Variants in ATRNL1 observed in about 807,000 individuals in gnomAD.
The protein encoded by ATRNL1 is attractin like 1, also known as attractin-like protein 1.
ATRNL1 carries 95 observed loss-of-function variants against 182.7 expected under a neutral mutation model. That is an observed-to-expected ratio of 0.52 (90% CI 0.44 to 0.62). The LOEUF is 0.62. Ranked by LOEUF, ATRNL1 falls within the 20% of genes least tolerant of loss-of-function variation. The probability of loss-of-function intolerance (pLI) is 0.00; values close to 1 mark genes in which losing one functional copy is unlikely to be tolerated. For missense variants in ATRNL1, 1,471 were observed against 1,679.5 expected, an observed-to-expected ratio of 0.88 and a Z score of 2.17; for synonymous variants, 576 against 568.3, an observed-to-expected ratio of 1.01 and a Z score of -0.19.
At chr10:115,755,122 A>C (rs6585354) in intron 27 of ATRNL1, among the ~76,000 whole-genome samples, 150,005 of 152,258 alleles carry the variant, frequency 0.99, 73,921 homozygotes, top group Middle Eastern at 1. Context: ...CAAACAGGGA[A>C]AATTTGACTT....
At chr10:115,687,890 CAAATATTA>C (rs1276090828) in intron 26 of ATRNL1, among the ~76,000 whole-genome samples, 1 of 152,004 alleles carries the variant, frequency 6.6e-6, no homozygotes, top group Non-Finnish European at 1.5e-5. Context: ...AGCCTGCTAT[CAAATATTA>C]GATTAGAACT....
chr10:115,510,757 G>A (rs1554982502), intron 24 of ATRNL1, among the ~76,000 whole-genome samples: 1 of 151,994 alleles, frequency 6.6e-6, no homozygotes, highest in African/African-American at 2.4e-5. Context: ...TATTAGCAGA[G>A]AAAGAAGCAA....
At chr10:115,462,366 C>A (rs1847848820) in intron 22 of ATRNL1, among the ~76,000 whole-genome samples, 1 of 152,102 alleles carries the variant, frequency 6.6e-6, no homozygotes, top group African/African-American at 2.4e-5. Flanking sequence ...GTAATCCCAG[C>A]ACTTTGGGAG....
intron 1 of ATRNL1, 48 bp downstream of exon 1, chr10:115,094,091 G>GTCGCGGCCTTCCCCGCCCCCC (rs1282059373): frequency 2.3e-6 from 3 of 1,322,632 alleles, no homozygotes; most frequent in Non-Finnish European, 2.9e-6. Context: ...CCTCGCTCCC[G>GTCGCGGCCTTCCCCGCCCCCC]TCGCGGCCTT....
intron 27 of ATRNL1, among the ~76,000 whole-genome samples, chr10:115,810,369 T>C (rs1950019863): frequency 6.6e-6 from 1 of 151,972 alleles, no homozygotes; most frequent in Non-Finnish European, 1.5e-5. Context: ...TATTATGTCG[T>C]CCTCAAATGT....
intron 26 of ATRNL1, among the ~76,000 whole-genome samples, chr10:115,605,938 T>G (rs1856849044): frequency 1.3e-5 from 2 of 151,976 alleles, no homozygotes; most frequent in Non-Finnish European, 2.9e-5. Flanking sequence ...AATAAAAATG[T>G]GAATGAGATG....
At chr10:115,443,992 T>C (rs1554966176) in intron 21 of ATRNL1, among the ~76,000 whole-genome samples, 1 of 152,094 alleles carries the variant, frequency 6.6e-6, no homozygotes, top group African/African-American at 2.4e-5. Context: ...AAATTAAACA[T>C]ACCTCTTTAG....
intron 27 of ATRNL1, among the ~76,000 whole-genome samples, chr10:115,769,566 G>A (rs947932308): frequency 2.6e-5 from 4 of 152,170 alleles, no homozygotes; most frequent in Non-Finnish European, 5.9e-5. Flanking sequence ...ATAGCGCTCA[G>A]TACATTGTAG....
chr10:115,572,862 G>A (rs1232084088), intron 26 of ATRNL1, among the ~76,000 whole-genome samples: 2 of 152,158 alleles, frequency 1.3e-5, no homozygotes, highest in Non-Finnish European at 2.9e-5. Context: ...TGGCTTGCCT[G>A]TTTGGTTGCC....
chr10:115,536,611 G>C (rs1852030074), intron 25 of ATRNL1, among the ~76,000 whole-genome samples: 1 of 152,172 alleles, frequency 6.6e-6, no homozygotes, highest in Non-Finnish European at 1.5e-5. Flanking sequence ...ACGGTGCGCT[G>C]CACCCACTGT....
At chr10:115,419,603 C>G (rs1377177268) in intron 20 of ATRNL1, among the ~76,000 whole-genome samples, 1 of 151,896 alleles carries the variant, frequency 6.6e-6, no homozygotes, top group African/African-American at 2.4e-5. Flanking sequence ...GAAATGGAAC[C>G]CCAAAAAGAA....
At chr10:115,282,446 C>A (rs1852414509) in intron 14 of ATRNL1, among the ~76,000 whole-genome samples, 1 of 149,044 alleles carries the variant, frequency 6.7e-6, no homozygotes, top group African/African-American at 2.5e-5. Context: ...GTGTGATGTT[C>A]CCCTTCCTGT....
At chr10:115,144,144 AAGTTT>A (rs1349671711) in intron 5 of ATRNL1, among the ~76,000 whole-genome samples, 1 of 149,686 alleles carries the variant, frequency 6.7e-6, no homozygotes, top group Non-Finnish European at 1.5e-5. Context: ...ACGCCCAGCT[AAGTTT>A]TTGTATTTTT....
chr10:115,129,551 G>T lies in ATRNL1; in HGVS notation c.829+16G>T. 2 of 1,604,662 alleles carry T rather than the reference G, an allele frequency of 1.2e-6. No homozygotes were observed. The highest frequency in any genetic ancestry group is 1.7e-6 in the Non-Finnish European group (2 of 1,171,776). On this transcript the variant is annotated intron_variant, in intron 5 of 28. Transcript: ENST00000355044. ...AGTTGGCAAGGTAAGCATGTGTGGTGTGATGGCTTTTGAAACATTGATTCA... is the reference window on the plus strand; with the variant it reads ...AGTTGGCAAGGTAAGCATGTGTGGTTTGATGGCTTTTGAAACATTGATTCA...
At position 115,632,734 on chromosome 10, in the gene ATRNL1, G is replaced by A. The variant is rs1204331856; in HGVS notation, c.3795+83198G>A. 7.9e-5 allele frequency among the ~76,000 whole-genome samples: 12 copies of A among 152,202 alleles called. No homozygotes were observed. The East Asian group carries it at 2.1e-3, about 27-fold the overall frequency. ...TCATCATACTGGGAAATTGTAGCAGGTAGAGACTGGTGAGATTATCACACA... is the reference window on the plus strand; with the variant it reads ...TCATCATACTGGGAAATTGTAGCAGATAGAGACTGGTGAGATTATCACACA... On this transcript the variant is annotated intron_variant, in intron 26 of 28. Transcript: ENST00000355044.
intron 28 of ATRNL1, among the ~76,000 whole-genome samples, chr10:115,910,915 C>T (rs1395427097): frequency 2.0e-5 from 3 of 152,068 alleles, no homozygotes; most frequent in Non-Finnish European, 4.4e-5. Context: ...TCGTTTTTTG[C>T]TTTCTAGTTT....
At chr10:115,670,990 A>G (rs1945680348) in intron 26 of ATRNL1, among the ~76,000 whole-genome samples, 1 of 152,164 alleles carries the variant, frequency 6.6e-6, no homozygotes, top group African/African-American at 2.4e-5. Flanking sequence ...TGAAGAGGTT[A>G]AGGATTAAAT....
At chr10:115,103,428 A>G (rs1843865631) in intron 1 of ATRNL1, among the ~76,000 whole-genome samples, 1 of 152,084 alleles carries the variant, frequency 6.6e-6, no homozygotes, top group African/African-American at 2.4e-5. Flanking sequence ...TCCAGTTTGT[A>G]GACTTTAAAA....
At chr10:115,127,901 AC>A (rs1845044888) in intron 4 of ATRNL1, among the ~76,000 whole-genome samples, 180 bp downstream of exon 4, 1 of 152,154 alleles carries the variant, frequency 6.6e-6, no homozygotes, top group South Asian at 2.1e-4. Flanking sequence ...ATGCCACAAA[AC>A]GTGATCTAAA....
Sources: gnomAD v4.1 joint callset for allele counts (sites outside exome capture counted in the v4.1 genomes callset) on GRCh38, gnomAD v4.1.1 for gene constraint, MANE v1.5 for transcripts, NCBI Gene and HGNC (gene_info 2026-07-23, HGNC 2026-07-21) for gene names.